The following IL16 variants were observed in gnomAD, a reference collection of about 807,000 sequenced individuals.
IL16 encodes the protein interleukin 16.
Under a neutral mutation model 110.1 loss-of-function variants are expected in IL16, and 67 were observed. The observed-to-expected ratio is 0.61, with a 90% CI of 0.50 to 0.75. The LOEUF (loss-of-function observed/expected upper bound fraction) is 0.75, where lower values mean the gene tolerates loss of function less well. Ranked by LOEUF, IL16 falls within the 30% of genes least tolerant of loss-of-function variation. IL16 has a pLI of 0.00. For synonymous variants in IL16, 689 were observed against 662.9 expected (o/e 1.04, Z -0.61); for missense variants, 1,545 against 1,655.0 (o/e 0.93, Z 1.15).
chr15:81,275,480 T>TG (rs1898870414), intron 6 of IL16, among the ~76,000 whole-genome samples: 1 of 149,414 alleles, frequency 6.7e-6, no homozygotes, highest in Admixed American at 6.7e-5. Flanking sequence ...AAAAGAACAG[T>TG]GGGATCAGAA....
intron 12 of IL16, among the ~76,000 whole-genome samples, chr15:81,294,500 G>T (rs746345154): frequency 2.6e-5 from 4 of 152,164 alleles, no homozygotes; most frequent in South Asian, 2.1e-4. Flanking sequence ...CGAGTAAGGC[G>T]TCTGGAGAAG....
In IL16 at chr15:81,296,972, A is replaced by T; in HGVS notation, c.1947A>T (p.Thr649=). 1 of 1,613,794 alleles carries T rather than the reference A, an allele frequency of 6.2e-7. No individual in the cohort carries two copies. Among genetic ancestry groups the T allele is most frequent in the African/African-American group, 1.3e-5 (1 of 75,030 alleles). ...CACTGCTGCTACCACAGGAAGACAC[A>T]GCAGGGAGAAGCCCTAGTGCCTCTG... ...LLPLLLPQED[T]AGRSPSASAG... Residue 649 remains threonine (T), a synonymous_variant, in exon 13 of 19, where the codon ACA becomes ACT. Transcript: ENST00000683961.
rs866284750 is a variant in IL16, at chr15:81,313,130, G to A, written c.*4332G>A. 3.8e-5 allele frequency: 44 copies of A among 1,160,704 alleles called. No homozygotes were observed. The Middle Eastern group carries it at 1.2e-3, about 33-fold the overall frequency. The allele number at this position is 1,160,704 out of a possible 1,614,324, so 71.9% of individuals were successfully genotyped here. On this transcript the variant is annotated 3_prime_UTR_variant, in exon 19 of 19. Coordinates refer to ENST00000683961, the MANE Select transcript of IL16 (RefSeq NM_172217.5). ...CTCTGGTTGGCATTCTCAGAGATGC[G>A]CAGTCCATCAGCTTGTTCCAAAGAG...
Position 81,296,914 on chromosome 15 carries a change from T to C in IL16, c.1903-14T>C. ...ACCGTTTTGACATGGTCTCGCTTCC[T>C]GTTTACACCACAGGAAGCGAGAGAG... On this transcript the variant is annotated splice_polypyrimidine_tract_variant and intron_variant, in intron 12 of 18. Coordinates refer to ENST00000683961, the MANE Select transcript of IL16 (RefSeq NM_172217.5). The C allele has an allele frequency of 6.3e-7, 1 of 1,589,184 alleles. No individual in the cohort carries two copies. The highest frequency in any genetic ancestry group is 8.6e-7 in the Non-Finnish European group (1 of 1,167,232).
At chr15:81,286,914 CAA>C (rs1899477502) in intron 10 of IL16, among the ~76,000 whole-genome samples, 2 of 152,190 alleles carry the variant, frequency 1.3e-5, no homozygotes, top group South Asian at 2.1e-4. Context: ...TGATGGCAGA[CAA>C]GAGAGAATAA....
intron 1 of IL16, among the ~76,000 whole-genome samples, chr15:81,190,061 A>G (rs1055768720): frequency 6.6e-6 from 1 of 152,192 alleles, no homozygotes; most frequent in African/African-American, 2.4e-5. Flanking sequence ...GCCCCTGGCC[A>G]GGGCATCTCG....
At chr15:81,261,257 G>A (rs968145225) in intron 3 of IL16, among the ~76,000 whole-genome samples, 7 of 152,184 alleles carry the variant, frequency 4.6e-5, no homozygotes, top group African/African-American at 1.7e-4. Flanking sequence ...AACCAGGTTG[G>A]GATTCTTCAA....
intron 2 of IL16, among the ~76,000 whole-genome samples, chr15:81,244,278 A>G (rs1469903026): frequency 1.3e-5 from 2 of 152,122 alleles, no homozygotes; most frequent in African/African-American, 2.4e-5. Context: ...TTTGTTTGCC[A>G]TGTGTTTTTC....
At chr15:81,278,928 G>A (rs755259369) in intron 7 of IL16, 38 bp downstream of exon 7, 5 of 1,411,000 alleles carry the variant, frequency 3.5e-6, no homozygotes, top group Admixed American at 1.7e-5. Flanking sequence ...AAACTCTGGG[G>A]CCTTCAGGCA....
Position 81,197,162 on chromosome 15 carries a change from T to C in IL16, c.-102+10T>C, listed in dbSNP as rs74030008. 0.013 allele frequency: 16,605 copies of C among 1,286,872 alleles called. 1,270 individuals carry two copies. The African/African-American group carries it at 0.19, about 15-fold the overall frequency. 79.7% of individuals were successfully genotyped at this position (1,286,872 alleles called of 1,614,324 possible). On this transcript the variant is annotated intron_variant, in intron 1 of 18. Transcript: ENST00000683961. ...GGTAGGTGGGCACCAGGTGAGTGAA[T>C]GTCTGTCAGGCAGCTGCTCTGTCCA...
At chr15:81,229,552 T>C (rs141656146) in intron 2 of IL16, among the ~76,000 whole-genome samples, 35 of 151,848 alleles carry the variant, frequency 2.3e-4, no homozygotes, top group African/African-American at 4.8e-4. Flanking sequence ...TTTTAAGGAG[T>C]ACAGGTGATC....
chr15:81,189,423 CCATACCAAGCT>C (rs1192548905), intron 1 of IL16, among the ~76,000 whole-genome samples: 2 of 152,048 alleles, frequency 1.3e-5, no homozygotes, highest in African/African-American at 4.8e-5. Flanking sequence ...TGCACCTGGC[CCATACCAAGCT>C]AATTTTTCAT....
chr15:81,265,623 A>G (rs1384305290), intron 3 of IL16, 36 bp from the exon 4 acceptor site: 1 of 1,610,504 alleles, frequency 6.2e-7, no homozygotes, highest in East Asian at 2.2e-5. Flanking sequence ...TTGAGAGCAC[A>G]AATGATTTCT....
At chr15:81,201,616 T>A (rs1287261582) in intron 1 of IL16, among the ~76,000 whole-genome samples, 15 of 152,206 alleles carry the variant, frequency 9.9e-5, no homozygotes, top group Admixed American at 9.8e-4. Flanking sequence ...CTTTTTCTTT[T>A]TAGGTTGTAG....
intron 10 of IL16, among the ~76,000 whole-genome samples, chr15:81,288,974 C>T (rs1899584746): frequency 6.6e-6 from 1 of 152,066 alleles, no homozygotes. Flanking sequence ...ATACTGACTT[C>T]CCTTCTTTTA....
Position 81,299,991 on chromosome 15 carries a change from C to A in IL16, c.2665C>A (p.Arg889=). 1.3e-6 allele frequency: 2 copies of A among 1,596,552 alleles called. No individual in the cohort carries two copies. Among genetic ancestry groups the A allele is most frequent in the Non-Finnish European group, 8.5e-7 (1 of 1,170,786 alleles). ...EEGRFSGLLG[R]GAAPTLVPQQ... ...AGGACGGTTTTCTGGACTCTTGGGG[C>A]GAGGGGCTGCACCCACTCTTGTGCC... The change falls in exon 14 of 19, where the codon CGA becomes AGA. Residue 889 remains arginine (R), a synonymous_variant. Coordinates refer to ENST00000683961, the MANE Select transcript of IL16 (RefSeq NM_172217.5).
At chr15:81,235,111 T>C (rs1244064825) in intron 2 of IL16, among the ~76,000 whole-genome samples, 1 of 152,222 alleles carries the variant, frequency 6.6e-6, no homozygotes, top group Non-Finnish European at 1.5e-5. Context: ...CTGGTACCTC[T>C]CCAGCCTTGA....
chr15:81,223,283 G>C (rs1896680418), intron 1 of IL16, among the ~76,000 whole-genome samples: 1 of 152,166 alleles, frequency 6.6e-6, no homozygotes, highest in Admixed American at 6.5e-5. Context: ...ACAAAGTGCA[G>C]AACATTTTCT....
At position 81,203,878 on chromosome 15, in the gene IL16, T is replaced by G. The variant is rs1377088311; in HGVS notation, c.-102+6726T>G. Among the ~76,000 whole-genome samples the G allele has an allele frequency of 9.8e-5, 15 of 152,334 alleles. No individual in the cohort carries two copies. In the East Asian group the frequency reaches 2.9e-3, roughly 29 times the overall value. On this transcript the variant is annotated intron_variant, in intron 1 of 18. Coordinates refer to ENST00000683961, the MANE Select transcript of IL16 (RefSeq NM_172217.5). ...GTGAAGAAAGTCATTGGTGGCTTGA[T>G]GGGGATGACATTGAATCTATAAATT...
Sources: gnomAD v4.1 joint callset for allele counts (sites outside exome capture counted in the v4.1 genomes callset) on GRCh38, gnomAD v4.1.1 for gene constraint, MANE v1.5 for transcripts, NCBI Gene and HGNC (gene_info 2026-07-23, HGNC 2026-07-21) for gene names.